HERC4: variants seen among roughly 807,000 people sequenced by gnomAD.
HERC4 encodes HECT and RLD domain containing E3 ubiquitin protein ligase 4.
Under a neutral mutation model 124.3 loss-of-function variants are expected in HERC4, and 28 were observed. The observed-to-expected ratio is 0.23, with a 90% CI of 0.17 to 0.31. HERC4 has a LOEUF of 0.31. HERC4 is among the 10% of genes least tolerant of loss of function. The pLI is 1.00. For synonymous variants in HERC4, 407 were observed against 421.5 expected, an observed-to-expected ratio of 0.97 and a Z score of 0.42; for missense variants, 713 against 1,229.3, an observed-to-expected ratio of 0.58 and a Z score of 6.28.
At chr10:67,960,861 A>T in intron 16 of HERC4, 1 of 284,140 alleles carries the variant, frequency 3.5e-6, no homozygotes, top group South Asian at 3.7e-5. Flanking sequence ...TCTAACAAGG[A>T]CAAGCATGGA....
intron 3 of HERC4, among the ~76,000 whole-genome samples, chr10:68,052,121 T>C (rs938867229): frequency 1.3e-5 from 2 of 152,114 alleles, no homozygotes; most frequent in African/African-American, 4.8e-5. Context: ...AAAACACAAG[T>C]GGAAAAAATT....
At chr10:68,025,419 G>A (rs1230559409) in intron 8 of HERC4, 127 bp downstream of exon 8, 5 of 1,016,964 alleles carry the variant, frequency 4.9e-6, no homozygotes, top group Admixed American at 2.5e-5. Flanking sequence ...ACTCCTCAGT[G>A]GCAAAATAGG....
intron 3 of HERC4, among the ~76,000 whole-genome samples, chr10:68,054,350 ATT>A (rs758802746): frequency 3.8e-5 from 5 of 132,630 alleles, no homozygotes; most frequent in Admixed American, 7.6e-5. Context: ...GTATTTAATG[ATT>A]TTTTTTTTTT....
intron 15 of HERC4, among the ~76,000 whole-genome samples, chr10:67,967,506 A>G (rs1462785415): frequency 6.6e-6 from 1 of 152,208 alleles, no homozygotes; most frequent in African/African-American, 2.4e-5. Flanking sequence ...TGATTAGAAT[A>G]AACTTTAGAA....
At chr10:67,950,869 C>T (rs1457340040) in intron 19 of HERC4, among the ~76,000 whole-genome samples, 2 of 152,210 alleles carry the variant, frequency 1.3e-5, no homozygotes, top group Non-Finnish European at 2.9e-5. Flanking sequence ...CTACACTTAG[C>T]ACCCAGAGCT....
chr10:67,968,550 TA>T (rs1564977233), intron 15 of HERC4, among the ~76,000 whole-genome samples: 1 of 151,956 alleles, frequency 6.6e-6, no homozygotes, highest in African/African-American at 2.4e-5. Context: ...TTTTTTTTTG[TA>T]TTTTTAGTAG....
At position 67,922,865 on chromosome 10, in the gene HERC4, T is replaced by C; in HGVS notation, c.*66A>G. On this transcript the variant is annotated 3_prime_UTR_variant, in exon 25 of 25. Coordinates refer to ENST00000373700, the MANE Select transcript of HERC4 (RefSeq NM_015601.4). ...TACCTCTGTCACCTTGCTGAATTCATCACCACAAGAAAAACACAAATAGTT... is the reference window on the plus strand; with the variant it reads ...TACCTCTGTCACCTTGCTGAATTCACCACCACAAGAAAAACACAAATAGTT... 8.9e-7 allele frequency: 1 copy of C among 1,123,118 alleles called. No homozygotes were observed. The highest frequency in any genetic ancestry group is 1.5e-5 in the South Asian group (1 of 65,800). The allele number at this position is 1,123,118 out of a possible 1,614,324, so 69.6% of individuals were successfully genotyped here.
At chr10:67,927,812 T>C (rs1391163220) in intron 23 of HERC4, among the ~76,000 whole-genome samples, 1 of 152,168 alleles carries the variant, frequency 6.6e-6, no homozygotes, top group East Asian at 1.9e-4. Flanking sequence ...AAGTACTTAC[T>C]GAGTGCTCTC....
intron 3 of HERC4, among the ~76,000 whole-genome samples, chr10:68,059,577 A>G (rs1216295360): frequency 4.5e-5 from 2 of 44,674 alleles, no homozygotes; most frequent in African/African-American, 5.8e-4. Context: ...ATTATATATC[A>G]TATTATATAT....
intron 4 of HERC4, among the ~76,000 whole-genome samples, chr10:68,041,382 T>C (rs562882241): frequency 2.0e-5 from 3 of 152,150 alleles, no homozygotes; most frequent in Non-Finnish European, 4.4e-5. Context: ...ACCTACTCTA[T>C]ACCATTAAAA....
intron 8 of HERC4, among the ~76,000 whole-genome samples, chr10:68,022,575 G>A (rs1019205144): frequency 1.3e-4 from 20 of 151,326 alleles, no homozygotes; most frequent in African/African-American, 4.6e-4. Context: ...AAATGTAAAA[G>A]GTAAAACTAT....
intron 19 of HERC4, among the ~76,000 whole-genome samples, chr10:67,952,093 T>C (rs932080750): frequency 6.6e-6 from 1 of 152,184 alleles, no homozygotes; most frequent in African/African-American, 2.4e-5. Context: ...TCTGACTTCT[T>C]ATCTCAGCCC....
At chr10:67,926,717 C>G (rs2031019799) in intron 23 of HERC4, among the ~76,000 whole-genome samples, 1 of 152,304 alleles carries the variant, frequency 6.6e-6, no homozygotes, top group East Asian at 1.9e-4. Context: ...GTTTTGGGCC[C>G]TGGGAAAACC....
chr10:68,029,233 A>G lies in HERC4; in HGVS notation c.777+3545T>C, dbSNP rs891805459. ...GGGCCAGGCGCAGTGGCTCACGCCT[A>G]TAATCCTAGCATTTTGGGAGGCCAA... On this transcript the variant is annotated intron_variant, in intron 7 of 24. Transcript: ENST00000373700. Among the ~76,000 whole-genome samples the G allele has an allele frequency of 2.6e-5, 4 of 152,250 alleles. No individual in the cohort carries two copies. In the South Asian group the frequency reaches 8.3e-4, roughly 32 times the overall value.
intron 11 of HERC4, among the ~76,000 whole-genome samples, chr10:67,991,777 A>G (rs918428777): frequency 1.3e-5 from 2 of 152,256 alleles, no homozygotes; most frequent in African/African-American, 4.8e-5. Flanking sequence ...CAGAAGGAAC[A>G]CATTTCAAGG....
At chr10:67,926,367 A>C (rs1202285862) in intron 23 of HERC4, among the ~76,000 whole-genome samples, 2 of 151,998 alleles carry the variant, frequency 1.3e-5, no homozygotes, top group Non-Finnish European at 1.5e-5. Flanking sequence ...ATTGCACTCC[A>C]GCCTGGTCAA....
intron 7 of HERC4, among the ~76,000 whole-genome samples, chr10:68,026,299 T>C (rs1354410134): frequency 6.6e-6 from 1 of 152,102 alleles, no homozygotes; most frequent in African/African-American, 2.4e-5. Context: ...TTTTCCTGTA[T>C]TGCCCAGGCT....
chr10:68,002,042 T>C (rs1182081186), intron 9 of HERC4, among the ~76,000 whole-genome samples: 1 of 152,140 alleles, frequency 6.6e-6, no homozygotes, highest in East Asian at 1.9e-4. Context: ...ACGACTGATT[T>C]TAAAACACCA....
chr10:68,045,254 T>C (rs574930435), intron 3 of HERC4, among the ~76,000 whole-genome samples: 50 of 152,128 alleles, frequency 3.3e-4, no homozygotes, highest in Non-Finnish European at 6.3e-4. Flanking sequence ...ATCTGGGAGA[T>C]GGAGGTTGCA....
Sources: gnomAD v4.1 joint callset for allele counts (sites outside exome capture counted in the v4.1 genomes callset) on GRCh38, gnomAD v4.1.1 for gene constraint, MANE v1.5 for transcripts, NCBI Gene and HGNC (gene_info 2026-07-23, HGNC 2026-07-21) for gene names.